PTPRN2: variants seen among roughly 807,000 people sequenced by gnomAD.
PTPRN2 encodes the protein protein tyrosine phosphatase receptor type N2.
In PTPRN2, 74 loss-of-function variants were observed where a neutral mutation model predicts 118.8. The observed-to-expected ratio is 0.62, with a 90% CI of 0.52 to 0.76. PTPRN2 has a LOEUF of 0.76. PTPRN2 is among the 30% of genes least tolerant of loss of function. PTPRN2 has a pLI of 0.00. For missense variants in PTPRN2, 1,481 were observed against 1,394.4 expected (o/e 1.06, Z -0.99); for synonymous variants, 641 against 608.0 (o/e 1.05, Z -0.80).
Position 158,227,460 on chromosome 7 carries a change from C to T in PTPRN2, c.278-22187G>A, listed in dbSNP as rs1172209553. Among the ~76,000 whole-genome samples, 3 of 152,116 alleles carry T rather than the reference C, an allele frequency of 2.0e-5. No homozygotes were observed. In the South Asian group the frequency reaches 6.2e-4, roughly 32 times the overall value. On this transcript the variant is annotated intron_variant, in intron 3 of 22. Coordinates refer to ENST00000389418, the MANE Select transcript of PTPRN2 (RefSeq NM_002847.5). ...TGAGAGGCTGATTTCAAAATATGAA[C>T]GTGGTCAGGGTTGAAATGGGGCTGA...
rs960466576 is a variant in PTPRN2 at position 158,369,290 on chromosome 7, C to T, written c.164-52358G>A. On this transcript the variant is annotated intron_variant, in intron 2 of 22. Transcript: ENST00000389418. ...ACATACACACACACACACACACACA[C>T]ATATATATACCTATAAAGTTATATA... Among the ~76,000 whole-genome samples the T allele has an allele frequency of 1.2e-4, 5 of 41,084 alleles. No individual in the cohort carries two copies. In the South Asian group the frequency reaches 7.3e-3, roughly 60 times the overall value. 27.0% of individuals were successfully genotyped at this position (41,084 alleles called of 152,430 possible). A position where few individuals can be genotyped will look rare whatever the true frequency, so the allele number is the denominator to read the frequency against.
Position 157,845,970 on chromosome 7 carries a change from C to T in PTPRN2, c.1788+52703G>A, listed in dbSNP as rs1050878193. Among the ~76,000 whole-genome samples the T allele has an allele frequency of 6.6e-6, 1 of 152,220 alleles. No homozygotes were observed. The highest frequency in any genetic ancestry group is 2.4e-5 in the African/African-American group (1 of 41,452). On this transcript the variant is annotated intron_variant, in intron 12 of 22. Coordinates refer to ENST00000389418, the MANE Select transcript of PTPRN2 (RefSeq NM_002847.5). The surrounding 1 kb of genome is among the most constrained non-coding windows in gnomAD (Gnocchi z 4.5). ...AACTCAGGGCAGAAAACAGTTTCCT[C>T]AAATCCTTTCCTCAAACAACACAAA... is the stretch of plus-strand genomic sequence containing the variant.
intron 2 of PTPRN2, among the ~76,000 whole-genome samples, chr7:158,456,637 A>C (rs1347417989): frequency 6.6e-6 from 1 of 151,378 alleles, no homozygotes; most frequent in Admixed American, 6.6e-5. Flanking sequence ...GCCACCCATC[A>C]CTCTGCAGTG....
intron 2 of PTPRN2, among the ~76,000 whole-genome samples, chr7:158,367,262 G>A (rs930077404): frequency 1.3e-5 from 2 of 152,170 alleles, no homozygotes; most frequent in Middle Eastern, 3.2e-3. Context: ...CCAGGTGGAC[G>A]GCCAGGCCTC....
intron 10 of PTPRN2, among the ~76,000 whole-genome samples, chr7:158,098,039 C>T (rs1298161053): frequency 2.0e-5 from 3 of 152,140 alleles, no homozygotes; most frequent in Admixed American, 6.5e-5. Context: ...CACCCCCGTC[C>T]GTCCCTCGAG....
At chr7:157,972,482 C>T (rs1038740372) in intron 11 of PTPRN2, among the ~76,000 whole-genome samples, 66 of 152,000 alleles carry the variant, frequency 4.3e-4, no homozygotes, top group South Asian at 8.4e-4. Context: ...CTCCACACCA[C>T]GAGAGCAGGG....
chr7:158,025,717 A>G (rs559018597), intron 11 of PTPRN2, among the ~76,000 whole-genome samples: 1 of 152,358 alleles, frequency 6.6e-6, no homozygotes, highest in African/African-American at 2.4e-5. Context: ...TTGAACAAAA[A>G]CTAAAACACT....
At chr7:158,334,678 C>G (rs1281676551) in intron 2 of PTPRN2, among the ~76,000 whole-genome samples, 10 of 75,704 alleles carry the variant, frequency 1.3e-4, no homozygotes, top group South Asian at 6.4e-4. Context: ...AGACGTCACT[C>G]ACACCCACAC....
At chr7:157,686,250 G>A (rs893688407) in intron 12 of PTPRN2, among the ~76,000 whole-genome samples, 1 of 152,230 alleles carries the variant, frequency 6.6e-6, no homozygotes. Context: ...TCCACGCCCA[G>A]GACGGTTTCA....
At chr7:157,980,721 C>T (rs1803073147) in intron 11 of PTPRN2, among the ~76,000 whole-genome samples, 1 of 152,182 alleles carries the variant, frequency 6.6e-6, no homozygotes, top group Admixed American at 6.5e-5. Context: ...CCACTGCACT[C>T]CAGCCTGAGC....
rs201297754 is a variant in PTPRN2, at chr7:158,087,934, G to A, written c.1644-6557C>T. Among the ~76,000 whole-genome samples the A allele has an allele frequency of 2.1e-4, 9 of 42,110 alleles. 1 individual carries two copies. Among genetic ancestry groups the A allele is most frequent in the East Asian group, 1.3e-3 (1 of 752 alleles). The allele number at this position is 42,110 out of a possible 152,430, so 27.6% of individuals were successfully genotyped here. ...TCACACACATCCTTCTTCCCCTGAT[G>A]AAAGAGGGAGTCTTCACACAAACCT... On this transcript the variant is annotated intron_variant, in intron 10 of 22. Coordinates refer to ENST00000389418, the MANE Select transcript of PTPRN2 (RefSeq NM_002847.5).
intron 14 of PTPRN2, among the ~76,000 whole-genome samples, chr7:157,630,426 C>T (rs1803867085): frequency 1.3e-5 from 2 of 152,218 alleles, no homozygotes; most frequent in African/African-American, 4.8e-5. Context: ...CTTGCCATCT[C>T]ACTCTCAGAA....
chr7:157,545,577 C>T (rs76751748), intron 22 of PTPRN2, among the ~76,000 whole-genome samples: 4 of 152,008 alleles, frequency 2.6e-5, no homozygotes, highest in Non-Finnish European at 4.4e-5. Flanking sequence ...CCCGCACTGC[C>T]GTTCAGCCCC....
chr7:158,261,811 G>A (rs562799108), intron 3 of PTPRN2, among the ~76,000 whole-genome samples: 4 of 152,322 alleles, frequency 2.6e-5, no homozygotes, highest in African/African-American at 9.6e-5. Context: ...CACTACGGAC[G>A]ATTTTAGGAA....
intron 6 of PTPRN2, among the ~76,000 whole-genome samples, chr7:158,159,403 G>A (rs927359957): frequency 3.9e-5 from 6 of 152,344 alleles, no homozygotes; most frequent in Middle Eastern, 3.4e-3. Context: ...CCATACAAGC[G>A]ATAGTATAAT....
At chr7:157,584,144 AAAC>A (rs1800536835) in intron 17 of PTPRN2, among the ~76,000 whole-genome samples, 1 of 152,158 alleles carries the variant, frequency 6.6e-6, no homozygotes, top group Non-Finnish European at 1.5e-5. Context: ...CTGAAAAACA[AAAC>A]AAAAAACTGA....
At chr7:157,683,065 C>CTCTAG in intron 12 of PTPRN2, 128 bp from the exon 13 acceptor site, 1 of 811,280 alleles carries the variant, frequency 1.2e-6, no homozygotes. Flanking sequence ...GCCCTGGAGC[C>CTCTAG]ACAACGGGAG....
At chr7:158,240,382 C>A (rs1229088091) in intron 3 of PTPRN2, among the ~76,000 whole-genome samples, 2 of 152,140 alleles carry the variant, frequency 1.3e-5, no homozygotes, top group African/African-American at 4.8e-5. Flanking sequence ...CGAATACGAC[C>A]AGGACAGCCT....
chr7:157,608,626 T>C (rs768398022), intron 15 of PTPRN2, among the ~76,000 whole-genome samples: 4 of 152,152 alleles, frequency 2.6e-5, no homozygotes, highest in African/African-American at 4.8e-5. Flanking sequence ...TAAAGGGCAG[T>C]TTCCTTGACG....
Sources: allele counts gnomAD v4.1 joint callset (sites outside exome capture counted in the v4.1 genomes callset), GRCh38; gene constraint gnomAD v4.1.1; non-coding constraint Gnocchi (gnomAD v3.1); transcripts MANE v1.5; gene names NCBI Gene and HGNC (gene_info 2026-07-23, HGNC 2026-07-21).